The following ADGRG6 variants were observed in gnomAD, a reference collection of about 807,000 sequenced individuals.
ADGRG6 encodes the protein G-protein coupled receptor 126.
Under a neutral mutation model 142.4 loss-of-function variants are expected in ADGRG6, and 84 were observed. The ratio of observed to expected loss-of-function variants is 0.59; its 90% CI spans 0.49 to 0.71. ADGRG6 has a LOEUF of 0.71. Ranked by LOEUF, ADGRG6 falls within the 30% of genes least tolerant of loss-of-function variation. The pLI is 0.00. For missense variants in ADGRG6, 1,367 were observed against 1,466.6 expected, an observed-to-expected ratio of 0.93 and a Z score of 1.11; for synonymous variants, 521 against 520.5, an observed-to-expected ratio of 1.00 and a Z score of -0.01.
At chr6:142,349,479 A>G (rs1341782282) in intron 2 of ADGRG6, among the ~76,000 whole-genome samples, 1 of 152,176 alleles carries the variant, frequency 6.6e-6, no homozygotes, top group Non-Finnish European at 1.5e-5. Context: ...GATGGAAGCT[A>G]CCTGGGAAGG....
At position 142,443,649 on chromosome 6, in the gene ADGRG6, T is replaced by C. The variant is rs1777863607; in HGVS notation, c.*134T>C. On this transcript the variant is annotated 3_prime_UTR_variant, in exon 25 of 25. Transcript: ENST00000367609. ...AAGGAATGTATTTTGTTAAGAAGGC[T>C]TTTGTGAAATTCAGAATTTTTCTTT... 3 of 556,482 alleles carry C rather than the reference T, an allele frequency of 5.4e-6. No homozygotes were observed. 34.5% of individuals were successfully genotyped at this position (556,482 alleles called of 1,614,324 possible).
chr6:142,427,673 A>G (rs904831497), intron 22 of ADGRG6, among the ~76,000 whole-genome samples: 10 of 152,182 alleles, frequency 6.6e-5, no homozygotes, highest in African/African-American at 2.4e-4. Flanking sequence ...ACACATACCC[A>G]AAACTGGGCC....
At chr6:142,337,322 G>A (rs891994705) in intron 2 of ADGRG6, among the ~76,000 whole-genome samples, 1 of 152,174 alleles carries the variant, frequency 6.6e-6, no homozygotes, top group Non-Finnish European at 1.5e-5. Context: ...CACAGTTTAA[G>A]GATAATTTTG....
chr6:142,310,272 G>A (rs1336790165), intron 2 of ADGRG6, among the ~76,000 whole-genome samples: 2 of 151,698 alleles, frequency 1.3e-5, no homozygotes, highest in African/African-American at 4.8e-5. Context: ...ATATGAATAA[G>A]CCAATTAGAG....
intron 1 of ADGRG6, among the ~76,000 whole-genome samples, chr6:142,304,868 G>C (rs1777404798): frequency 6.6e-6 from 1 of 152,060 alleles, no homozygotes; most frequent in Non-Finnish European, 1.5e-5. Flanking sequence ...ATTGACAGGG[G>C]TGGTGCCATA....
At chr6:142,332,603 T>G (rs1300697651) in intron 2 of ADGRG6, among the ~76,000 whole-genome samples, 1 of 152,160 alleles carries the variant, frequency 6.6e-6, no homozygotes, top group Non-Finnish European at 1.5e-5. Flanking sequence ...GATTTCCCTT[T>G]CTTATAAATC....
At chr6:142,426,049 G>C (rs2115132971) in intron 22 of ADGRG6, among the ~76,000 whole-genome samples, 1 of 152,208 alleles carries the variant, frequency 6.6e-6, no homozygotes, top group Non-Finnish European at 1.5e-5. Flanking sequence ...ACTTGGGTGG[G>C]AACACAGCCA....
intron 9 of ADGRG6, among the ~76,000 whole-genome samples, chr6:142,396,345 T>G (rs1435594007): frequency 6.6e-6 from 1 of 152,182 alleles, no homozygotes; most frequent in Non-Finnish European, 1.5e-5. Context: ...ATGGCTTGTA[T>G]GCGAATGGTA....
In ADGRG6 at chr6:142,397,628, C is replaced by T. The variant is rs955456005; in HGVS notation, c.1440C>T (p.Ala480=). 6.2e-7 allele frequency: 1 copy of T among 1,608,236 alleles called. No individual in the cohort carries two copies. The change falls in exon 10 of 25, where the codon GCC becomes GCT. Residue 480 remains alanine (A), a synonymous_variant. Transcript: ENST00000367609. ...GTTTCCCTAGGTTGGTGCTTTGGGC[C>T]CTTCTAGTTTACAATGCTACCAACA... ...LEDEPRLVLW[A]LLVYNATNNT...
intron 22 of ADGRG6, among the ~76,000 whole-genome samples, chr6:142,433,342 T>G (rs908338912): frequency 6.6e-6 from 1 of 152,208 alleles, no homozygotes; most frequent in African/African-American, 2.4e-5. Context: ...TTCGAATTAT[T>G]TATACACTTT....
At chr6:142,343,864 G>A (rs1247079222) in intron 2 of ADGRG6, among the ~76,000 whole-genome samples, 6 of 151,862 alleles carry the variant, frequency 4.0e-5, no homozygotes, top group African/African-American at 1.4e-4. Flanking sequence ...TCCTCAATTT[G>A]TATTCTCCTG....
intron 22 of ADGRG6, among the ~76,000 whole-genome samples, chr6:142,428,876 A>C (rs1562389479): frequency 6.6e-6 from 1 of 152,158 alleles, no homozygotes; most frequent in Non-Finnish European, 1.5e-5. Context: ...TTACAGAGTA[A>C]ACATTTTGTT....
chr6:142,372,456 C>G (rs1024040529), intron 4 of ADGRG6, among the ~76,000 whole-genome samples: 4 of 152,296 alleles, frequency 2.6e-5, no homozygotes, highest in South Asian at 4.2e-4. Flanking sequence ...TTTCTCAGAC[C>G]CATGCCTGCC....
At chr6:142,404,537 A>T (rs918870113) in intron 14 of ADGRG6, among the ~76,000 whole-genome samples, 3 of 152,014 alleles carry the variant, frequency 2.0e-5, no homozygotes, top group Non-Finnish European at 4.4e-5. Flanking sequence ...CCAGCTATTC[A>T]GGAGGCTGAG....
intron 2 of ADGRG6, among the ~76,000 whole-genome samples, chr6:142,344,514 A>G (rs1779803738): frequency 6.6e-6 from 1 of 151,980 alleles, no homozygotes; most frequent in Non-Finnish European, 1.5e-5. Context: ...GTGGATGAAC[A>G]TTTAAAGGCT....
intron 2 of ADGRG6, among the ~76,000 whole-genome samples, chr6:142,339,868 A>G (rs1779528887): frequency 6.6e-6 from 1 of 152,096 alleles, no homozygotes; most frequent in Admixed American, 6.6e-5. Context: ...CTTTTATTCT[A>G]CTGTTTTGCT....
At chr6:142,434,152 A>G (rs1163037153) in intron 22 of ADGRG6, among the ~76,000 whole-genome samples, 1 of 151,384 alleles carries the variant, frequency 6.6e-6, no homozygotes, top group African/African-American at 2.4e-5. Flanking sequence ...TTACCAATAA[A>G]GTATTAGTAA....
chr6:142,363,925 A>G (rs1317815982), intron 2 of ADGRG6, among the ~76,000 whole-genome samples: 1 of 152,092 alleles, frequency 6.6e-6, no homozygotes, highest in Non-Finnish European at 1.5e-5. Flanking sequence ...TCTTTTTAAG[A>G]AATTGTCCGT....
In ADGRG6 at chr6:142,415,819, C is replaced by T. The variant is rs1776321837; in HGVS notation, c.2693C>T (p.Ser898Phe). Reference protein sequence around the residue: ...AFEKLRRDYPSKILMNLSTAL... With the variant: ...AFEKLRRDYPFKILMNLSTAL... ...AGGAAATTGCGAAGGGATTATCCCT[C>T]CAAAATCTTGATGAACCTGAGCACA... Residue 898 changes from serine (S) to phenylalanine (F), a missense_variant, in exon 20 of 25, where the codon TCC (serine) becomes TTC (phenylalanine). Around this residue, in one of 3 missense-constraint regions of ADGRG6, gnomAD observed 286 missense variants for 371.4 expected, o/e 0.77. Coordinates refer to ENST00000367609, the MANE Select transcript of ADGRG6 (RefSeq NM_198569.3). 6.2e-7 allele frequency: 1 copy of T among 1,612,122 alleles called. No individual in the cohort carries two copies. Among genetic ancestry groups the T allele is most frequent in the Non-Finnish European group, 8.5e-7 (1 of 1,178,538 alleles).
Sources: allele counts gnomAD v4.1 joint callset (sites outside exome capture counted in the v4.1 genomes callset), GRCh38; gene constraint gnomAD v4.1.1; regional missense constraint gnomAD v4.1.1; transcripts MANE v1.5; gene names NCBI Gene and HGNC (gene_info 2026-07-23, HGNC 2026-07-21).